The following MLIP variants were observed in gnomAD, a reference collection of about 807,000 sequenced individuals.
MLIP encodes the protein muscular LMNA interacting protein.
Under a neutral mutation model 84.8 loss-of-function variants are expected in MLIP, and 79 were observed. That is an observed-to-expected ratio of 0.93 (90% CI 0.78 to 1.12). MLIP has a LOEUF of 1.12. Among genes scored for constraint, MLIP ranks in the 50% most tolerant of loss-of-function variants. MLIP has a pLI of 0.00. For missense variants in MLIP, 1,257 were observed against 1,160.6 expected, an observed-to-expected ratio of 1.08 and a Z score of -1.21; for synonymous variants, 504 against 463.0, an observed-to-expected ratio of 1.09 and a Z score of -1.14.
intron 11 of MLIP, among the ~76,000 whole-genome samples, chr6:54,211,320 T>C (rs769670715): frequency 2.6e-5 from 4 of 152,212 alleles, no homozygotes; most frequent in Admixed American, 6.5e-5. Flanking sequence ...GTTTATTACA[T>C]TGGGTTAAGT....
chr6:54,121,523 C>A lies in MLIP; in HGVS notation c.173C>A (p.Thr58Asn). ...VPTVRRLPTH[T>N]QLADTSKFLV... ...ACTGTCAGAAGACTACCAACCCATA[C>A]TCAGTTGGCTGACACCTCTAAATTC... The change falls in exon 2 of 14, where the codon ACT (threonine) becomes AAT (asparagine). Residue 58 changes from threonine to asparagine, a missense_variant. Coordinates refer to ENST00000502396, the MANE Select transcript of MLIP (RefSeq NM_001281747.2). The A allele has an allele frequency of 1.2e-6, 2 of 1,613,930 alleles. No individual in the cohort carries two copies. Among genetic ancestry groups the A allele is most frequent in the Non-Finnish European group, 1.7e-6 (2 of 1,179,824 alleles).
At chr6:54,194,034 T>C (rs1778123512) in intron 10 of MLIP, among the ~76,000 whole-genome samples, 1 of 152,168 alleles carries the variant, frequency 6.6e-6, no homozygotes, top group Non-Finnish European at 1.5e-5. Flanking sequence ...CAGGATGGAA[T>C]ACTTAATCTA....
intron 5 of MLIP, among the ~76,000 whole-genome samples, chr6:54,159,754 C>T (rs1277942677): frequency 3.9e-5 from 6 of 151,924 alleles, no homozygotes; most frequent in African/African-American, 1.4e-4. Context: ...AAACTCTGCC[C>T]AAATCTCTGG....
chr6:54,187,414 T>C (rs938757852), intron 9 of MLIP, among the ~76,000 whole-genome samples: 3 of 152,210 alleles, frequency 2.0e-5, no homozygotes, highest in Non-Finnish European at 4.4e-5. Context: ...GGGGGGACTA[T>C]AACAAATCTG....
At chr6:54,188,947 C>A (rs1386236235) in intron 9 of MLIP, among the ~76,000 whole-genome samples, 1 of 152,178 alleles carries the variant, frequency 6.6e-6, no homozygotes, top group Admixed American at 6.5e-5. Context: ...TGTGGGACAG[C>A]ATCTGCAAAA....
intron 5 of MLIP, among the ~76,000 whole-genome samples, chr6:54,153,922 C>A (rs1773740982): frequency 6.6e-6 from 1 of 151,492 alleles, no homozygotes; most frequent in Non-Finnish European, 1.5e-5. Flanking sequence ...AGCACATGAC[C>A]TATATTAGAG....
chr6:54,089,528 A>G (rs965714251), intron 1 of MLIP, among the ~76,000 whole-genome samples: 1 of 152,140 alleles, frequency 6.6e-6, no homozygotes. Flanking sequence ...ACAGTTCTAT[A>G]TCTGATGGAT....
At chr6:54,095,038 C>T (rs1161405010) in intron 1 of MLIP, among the ~76,000 whole-genome samples, 1 of 152,194 alleles carries the variant, frequency 6.6e-6, no homozygotes, top group Non-Finnish European at 1.5e-5. Flanking sequence ...TGTGTGTCAA[C>T]CACCATCACC....
chr6:54,213,871 T>C (rs1020928835), intron 11 of MLIP, among the ~76,000 whole-genome samples: 5 of 152,084 alleles, frequency 3.3e-5, no homozygotes, highest in South Asian at 2.1e-4. Context: ...ATGCATTGTA[T>C]CTCCACTTGA....
intron 1 of MLIP, among the ~76,000 whole-genome samples, chr6:54,101,160 A>T (rs141622005): frequency 4.6e-5 from 7 of 152,246 alleles, no homozygotes; most frequent in South Asian, 2.1e-4. Flanking sequence ...GGGTTTGTAA[A>T]AATCTTTTGG....
intron 11 of MLIP, among the ~76,000 whole-genome samples, chr6:54,225,064 CT>C (rs1780486326): frequency 6.6e-6 from 1 of 152,146 alleles, no homozygotes; most frequent in Non-Finnish European, 1.5e-5. Context: ...GTGCAAGCAT[CT>C]TTTTTGAATA....
At chr6:54,259,201 A>G (rs1276538609) in intron 13 of MLIP, among the ~76,000 whole-genome samples, 1 of 151,826 alleles carries the variant, frequency 6.6e-6, no homozygotes, top group Non-Finnish European at 1.5e-5. Context: ...ATTTTTATAT[A>G]TTAAAGTTAA....
intron 8 of MLIP, among the ~76,000 whole-genome samples, chr6:54,166,751 C>T (rs908997088): frequency 4.0e-5 from 6 of 151,840 alleles, no homozygotes; most frequent in Non-Finnish European, 7.4e-5. Context: ...ACATATATGC[C>T]GACAACTCTA....
intron 12 of MLIP, among the ~76,000 whole-genome samples, chr6:54,238,497 C>T (rs139183846): frequency 0.011 from 1,706 of 152,248 alleles, 12 homozygotes; most frequent in Non-Finnish European, 0.018. Context: ...AACTACAAGC[C>T]ATGTAGACAG....
intron 12 of MLIP, among the ~76,000 whole-genome samples, chr6:54,256,641 A>G (rs942175583): frequency 2.6e-5 from 4 of 152,068 alleles, no homozygotes; most frequent in South Asian, 2.1e-4. Flanking sequence ...ACTTTCTTCT[A>G]TCTTATGAAG....
intron 11 of MLIP, among the ~76,000 whole-genome samples, chr6:54,208,158 G>T (rs2792648): frequency 0.97 from 147,502 of 152,334 alleles, 71,597 homozygotes; most frequent in East Asian, 1. Flanking sequence ...AAAATAGAAT[G>T]TTTTAATTCT....
At chr6:54,246,030 C>T (rs369295777) in intron 12 of MLIP, among the ~76,000 whole-genome samples, 5 of 152,120 alleles carry the variant, frequency 3.3e-5, no homozygotes, top group Admixed American at 3.3e-4. Context: ...AAGCACAACT[C>T]AGACATTTAA....
At chr6:54,219,238 T>G (rs1028466501) in intron 11 of MLIP, among the ~76,000 whole-genome samples, 3 of 150,008 alleles carry the variant, frequency 2.0e-5, no homozygotes, top group African/African-American at 7.3e-5. Flanking sequence ...AAAATAAAAA[T>G]AAAAATAAAA....
Position 54,076,759 on chromosome 6 carries a change from C to T in MLIP, c.64-44688C>T, listed in dbSNP as rs1182303849. 3.3e-5 allele frequency among the ~76,000 whole-genome samples: 5 copies of T among 152,146 alleles called. No homozygotes were observed. In the East Asian group the frequency reaches 9.6e-4, roughly 29 times the overall value. On this transcript the variant is annotated intron_variant, in intron 1 of 12. Transcript: ENST00000274897. ...AAAATATTCATCTCCTGTATTCCCACAGTGAACATACATCAGCGGATCATG... is the reference window on the plus strand; with the variant it reads ...AAAATATTCATCTCCTGTATTCCCATAGTGAACATACATCAGCGGATCATG...
Sources: gnomAD v4.1 joint callset for allele counts (sites outside exome capture counted in the v4.1 genomes callset) on GRCh38, gnomAD v4.1.1 for gene constraint, MANE v1.5 for transcripts, NCBI Gene and HGNC (gene_info 2026-07-23, HGNC 2026-07-21) for gene names.